The following SMAP1 variants were observed in gnomAD, a reference collection of about 807,000 sequenced individuals.
The protein encoded by SMAP1 is small ArfGAP 1.
In SMAP1, 24 loss-of-function variants were observed where a neutral mutation model predicts 58.5. The ratio of observed to expected loss-of-function variants is 0.41; its 90% confidence interval spans 0.30 to 0.58. The LOEUF is 0.58. Ranked by LOEUF, SMAP1 falls within the 20% of genes least tolerant of loss-of-function variation. The pLI is 0.29. For missense variants in SMAP1, 563 were observed against 566.3 expected, an observed-to-expected ratio of 0.99 and a Z score of 0.06; for synonymous variants, 216 against 196.6, an observed-to-expected ratio of 1.10 and a Z score of -0.82.
chr6:70,803,429 T>A (rs1054617079), intron 6 of SMAP1, among the ~76,000 whole-genome samples: 6 of 152,178 alleles, frequency 3.9e-5, no homozygotes, highest in Admixed American at 6.5e-5. Flanking sequence ...ATTTTGTTGA[T>A]CTTTTCAAAA....
chr6:70,823,858 C>T (rs1769998573), intron 6 of SMAP1, among the ~76,000 whole-genome samples: 1 of 150,084 alleles, frequency 6.7e-6, no homozygotes, highest in Admixed American at 6.6e-5. Context: ...TTTTTCAGTT[C>T]CCCCTGCCAG....
rs139305417 is a variant in SMAP1 at position 70,742,996 on chromosome 6, A to G, written c.252+10485A>G. On this transcript the variant is annotated intron_variant, in intron 2 of 10. Transcript: ENST00000370455. ...AACTGGGTCTCTCCCACAACGCCTG[A>G]GAATTATGGGAGCTACAATTCAAGA... 2.0e-5 allele frequency among the ~76,000 whole-genome samples: 3 copies of G among 152,328 alleles called. No homozygotes were observed. In the East Asian group the frequency reaches 5.8e-4, roughly 29 times the overall value.
At chr6:70,695,011 A>G (rs940923753) in intron 1 of SMAP1, among the ~76,000 whole-genome samples, 1 of 151,796 alleles carries the variant, frequency 6.6e-6, no homozygotes, top group Admixed American at 6.6e-5. Flanking sequence ...GAGATCTTCC[A>G]TTTCTTTTCA....
rs1473102059 is a variant in SMAP1 at position 70,798,708 on chromosome 6, A to G, written c.547A>G (p.Lys183Glu). The change falls in exon 6 of 11, where the codon AAG (lysine) becomes GAG (glutamate). Residue 183 changes from lysine to glutamate, a missense_variant. Coordinates refer to ENST00000370455, the MANE Select transcript of SMAP1 (RefSeq NM_001044305.3). ...EEKKREKEPE[K>E]PAKPLTAEKL... ...GAAAAAGAGAGAAAAGGAGCCAGAAAAGCCGGCAAAACCACTTACAGCTGA... is the reference window on the plus strand; with the variant it reads ...GAAAAAGAGAGAAAAGGAGCCAGAAGAGCCGGCAAAACCACTTACAGCTGA... 3 of 1,563,910 alleles carry G rather than the reference A, an allele frequency of 1.9e-6. No individual in the cohort carries two copies. The East Asian group carries it at 7.0e-5, about 36-fold the overall frequency.
rs576419890 is a variant in SMAP1, at chr6:70,690,464, G to A, written c.118+22323G>A. ...TGGGATTACAAGCATGCACCACCAC[G>A]GTCAGCTAATTTTGTATTTTTAGTA... is the stretch of plus-strand genomic sequence containing the variant. On this transcript the variant is annotated intron_variant, in intron 1 of 10. Transcript: ENST00000370455. Among the ~76,000 whole-genome samples the A allele has an allele frequency of 9.9e-5, 15 of 151,796 alleles. No homozygotes were observed. In the South Asian group the frequency reaches 2.9e-3, roughly 30 times the overall value.
intron 3 of SMAP1, among the ~76,000 whole-genome samples, chr6:70,766,343 C>G (rs1487796415): frequency 6.6e-6 from 1 of 152,208 alleles, no homozygotes; most frequent in Admixed American, 6.5e-5. Context: ...AATGGTTGAA[C>G]TAGTTTACAT....
rs576612824 is a variant in SMAP1, at chr6:70,832,518, A to T, written c.577-4423A>T. Among the ~76,000 whole-genome samples, 5 of 152,340 alleles carry T rather than the reference A, an allele frequency of 3.3e-5. No individual in the cohort carries two copies. The South Asian group carries it at 1.0e-3, about 32-fold the overall frequency. On this transcript the variant is annotated intron_variant, in intron 6 of 10. Coordinates refer to ENST00000370455, the MANE Select transcript of SMAP1 (RefSeq NM_001044305.3). Reference sequence around the variant, plus strand: ...ACCTTCATAATGGCAGTATCTATGCAAAGATTTTCTTTATTCCATCTCAGT... The same window carrying T: ...ACCTTCATAATGGCAGTATCTATGCTAAGATTTTCTTTATTCCATCTCAGT...
At chr6:70,678,574 C>T (rs919949089) in intron 1 of SMAP1, among the ~76,000 whole-genome samples, 1 of 152,212 alleles carries the variant, frequency 6.6e-6, no homozygotes, top group Non-Finnish European at 1.5e-5. Flanking sequence ...AAAAATCCTA[C>T]AAACTGAATG....
rs1021167056 is a variant in SMAP1 at position 70,755,078 on chromosome 6, A to G, written c.338+13A>G. 1.9e-6 allele frequency: 3 copies of G among 1,586,594 alleles called. No individual in the cohort carries two copies. Among genetic ancestry groups the G allele is most frequent in the Non-Finnish European group, 2.6e-6 (3 of 1,162,834 alleles). ...CACAGACAGATCAGTATCCTTTAAA[A>G]CTTATTTGTTTTGAGTTTAAAAAAC... On this transcript the variant is annotated intron_variant, in intron 3 of 10. Transcript: ENST00000370455.
intron 1 of SMAP1, among the ~76,000 whole-genome samples, chr6:70,703,627 A>G (rs148195796): frequency 1.1e-3 from 164 of 152,318 alleles, no homozygotes; most frequent in African/African-American, 2.9e-3. Context: ...TTTTCAAGTT[A>G]GTTTCCTCTA....
At chr6:70,806,040 G>T (rs762517702) in intron 6 of SMAP1, among the ~76,000 whole-genome samples, 1 of 152,212 alleles carries the variant, frequency 6.6e-6, no homozygotes, top group Admixed American at 6.5e-5. Flanking sequence ...GCTCTCTTCA[G>T]AGCTGTCAGA....
At chr6:70,716,756 A>G (rs1286225782) in intron 1 of SMAP1, among the ~76,000 whole-genome samples, 1 of 151,862 alleles carries the variant, frequency 6.6e-6, no homozygotes, top group Non-Finnish European at 1.5e-5. Context: ...TTGAGTTCTC[A>G]GTTTGTTTAT....
intron 4 of SMAP1, among the ~76,000 whole-genome samples, chr6:70,779,525 G>GC (rs1395228578): frequency 2.0e-5 from 3 of 152,082 alleles, no homozygotes; most frequent in Non-Finnish European, 4.4e-5. Flanking sequence ...AGCTAAGATT[G>GC]CAGGGGCTGT....
chr6:70,713,044 C>T (rs1420638779), intron 1 of SMAP1, among the ~76,000 whole-genome samples: 3 of 152,058 alleles, frequency 2.0e-5, no homozygotes, highest in South Asian at 2.1e-4. Flanking sequence ...CCACCCACCT[C>T]GGCCTCCCAA....
In SMAP1 at chr6:70,852,592, G is replaced by C. The variant is rs750662370; in HGVS notation, c.717G>C (p.Leu239=). The C allele has an allele frequency of 6.2e-7, 1 of 1,610,558 alleles. No homozygotes were observed. The highest frequency in any genetic ancestry group is 1.3e-5 in the African/African-American group (1 of 74,928). The stretch of plus-strand genomic sequence containing the variant: ...ACGGGAACACAACGGTGCCACCCCT[G>C]AACGATGATCTGGACATCTTTGGAC... The part of the protein sequence containing the change: ...VTNGNTTVPP[L]NDDLDIFGPM... The change falls in exon 8 of 11, where the codon CTG becomes CTC. Residue 239 remains leucine (L), a synonymous_variant. Transcript: ENST00000370455.
intron 1 of SMAP1, among the ~76,000 whole-genome samples, chr6:70,720,140 G>C (rs1309932015): frequency 2.0e-5 from 3 of 152,146 alleles, no homozygotes; most frequent in African/African-American, 7.2e-5. Context: ...AGATACAATG[G>C]GGGTACAGGT....
chr6:70,676,925 G>A (rs1265163154), intron 1 of SMAP1, among the ~76,000 whole-genome samples: 1 of 152,054 alleles, frequency 6.6e-6, no homozygotes, highest in Non-Finnish European at 1.5e-5. Flanking sequence ...TGGGACTACA[G>A]GCTTGTCACC....
intron 3 of SMAP1, among the ~76,000 whole-genome samples, chr6:70,763,182 A>C (rs938385490): frequency 7.8e-6 from 1 of 128,476 alleles, no homozygotes. Flanking sequence ...TTGGCGCCAT[A>C]TTTTCCAACA....
At chr6:70,784,809 C>T (rs1026249554) in intron 4 of SMAP1, among the ~76,000 whole-genome samples, 15 of 152,174 alleles carry the variant, frequency 9.9e-5, no homozygotes, top group African/African-American at 3.6e-4. Flanking sequence ...AAAGCAAGTC[C>T]TGAGTGACCT....
Sources: allele counts gnomAD v4.1 joint callset (sites outside exome capture counted in the v4.1 genomes callset), GRCh38; gene constraint gnomAD v4.1.1; transcripts MANE v1.5; gene names NCBI Gene and HGNC (gene_info 2026-07-23, HGNC 2026-07-21).